SETD9: variants seen among roughly 807,000 people sequenced by gnomAD.
SETD9 encodes the protein SET domain-containing protein 9.
SETD9 carries 37 observed loss-of-function variants against 36.4 expected under a neutral mutation model. That is an observed-to-expected ratio of 1.02 (90% confidence interval 0.78 to 1.34). The LOEUF (loss-of-function observed/expected upper bound fraction) is 1.34, where lower values mean the gene tolerates loss of function less well. SETD9 is among the 40% of genes most tolerant of loss of function. The pLI is 0.00. For synonymous variants in SETD9, 128 were observed against 132.9 expected (o/e 0.96, Z 0.26); for missense variants, 323 against 353.2 (o/e 0.91, Z 0.69).
At position 56,916,885 on chromosome 5, in the gene SETD9, T is replaced by C. The variant is rs1039713920; in HGVS notation, c.883T>C (p.Tyr295His). The C allele has an allele frequency of 6.2e-7, 1 of 1,603,928 alleles. No individual in the cohort carries two copies. The highest frequency in any genetic ancestry group is 8.5e-7 in the Non-Finnish European group (1 of 1,176,538). ...NQGEELFSNY[Y>H]TIVS The stretch of plus-strand genomic sequence containing the variant: ...AGGAGAAGAGCTTTTTTCAAACTAC[T>C]ACACAATTGTCAGCTAACTCTGTGA... Residue 295 changes from tyrosine to histidine, a missense_variant, in exon 6 of 6, where the codon TAC becomes CAC. Transcript: ENST00000285947.
chr5:56,926,482 G>C (rs1291976925), downstream of SETD9, among the ~76,000 whole-genome samples: 1 of 151,568 alleles, frequency 6.6e-6, no homozygotes, highest in African/African-American at 2.4e-5. Context: ...ATAAGCATAA[G>C]AAAAGATGGT....
rs769334372 is a variant in SETD9 at position 56,916,948 on chromosome 5, C to T, written c.*46C>T. On this transcript the variant is annotated 3_prime_UTR_variant, in exon 6 of 6. Transcript: ENST00000285947. ...TAGGTTTTCTACTCAGCTATTAATT[C>T]TAAGTGTTTTTTGTTAATCACTTCT... 1 of 1,545,782 alleles carries T rather than the reference C, an allele frequency of 6.5e-7. No individual in the cohort carries two copies. The highest frequency in any genetic ancestry group is 8.7e-7 in the Non-Finnish European group (1 of 1,153,672).
At chr5:56,928,864 A>C, downstream of SETD9, 1 of 1,608,760 alleles carries the variant, frequency 6.2e-7, no homozygotes, top group Non-Finnish European at 8.5e-7. Context: ...CATTCCTTCT[A>C]AGAAAAATTT....
chr5:56,910,420 G>A (rs1749056827), intron 1 of SETD9: 1 of 1,302,532 alleles, frequency 7.7e-7, no homozygotes, highest in South Asian at 1.2e-5. Flanking sequence ...GTTATTAAGG[G>A]CGCACCAGTG....
At chr5:56,913,283 G>A in intron 3 of SETD9, 149 bp downstream of exon 3, 1 of 889,158 alleles carries the variant, frequency 1.1e-6, no homozygotes. Flanking sequence ...TGAACTCCTG[G>A]CCTCAAGCGA....
At chr5:56,912,182 G>C in intron 2 of SETD9, 1 of 984,952 alleles carries the variant, frequency 1.0e-6, no homozygotes, top group South Asian at 4.7e-5. Flanking sequence ...AAAGCGTACG[G>C]ATCAAAACAT....
rs200728399 is a variant in SETD9, at chr5:56,923,695, C to G, written c.813-1638C>G. ...GCAGAAAGGTCTTCATTTTACCTGT[C>G]AAGTCACTGGCAGTGAAGGAGTTGA... On this transcript the variant is annotated intron_variant, in intron 5 of 5. Transcript: ENST00000628593. 17 of 1,614,168 alleles carry G rather than the reference C, an allele frequency of 1.1e-5. No individual in the cohort carries two copies. In the East Asian group the frequency reaches 3.1e-4, roughly 30 times the overall value.
chr5:56,913,004 G>A lies in SETD9; in HGVS notation c.467-7G>A. 6.8e-6 allele frequency: 11 copies of A among 1,611,968 alleles called. No individual in the cohort carries two copies. The highest frequency in any genetic ancestry group is 7.6e-6 in the Non-Finnish European group (9 of 1,179,058). On this transcript the variant is annotated splice_polypyrimidine_tract_variant and splice_region_variant and intron_variant, in intron 2 of 5. Coordinates refer to ENST00000285947, the MANE Select transcript of SETD9 (RefSeq NM_153706.4). ...TTATCATATTTCTTTGTCTTGTTGT[G>A]TAATAGGTACAGTATATCAGAAGTA...
chr5:56,924,968 G>A (rs943984885), intron 5 of SETD9, among the ~76,000 whole-genome samples: 3 of 152,288 alleles, frequency 2.0e-5, no homozygotes, highest in African/African-American at 7.2e-5. Flanking sequence ...AGAGAATGCA[G>A]GCTTCGTGGG....
rs756923039 is a variant in SETD9, at chr5:56,913,956, G to C, written c.673G>C (p.Ala225Pro). The change falls in exon 4 of 6, where the codon GCT becomes CCT. Residue 225 changes from alanine to proline, a missense_variant. By Grantham distance (27) the Ala-to-Pro change is conservative (BLOSUM62 -1). Transcript: ENST00000285947. ...WLTSEIHNPLAVGQYVNNCSN... is the reference protein window; with the variant it reads ...WLTSEIHNPLPVGQYVNNCSN... ...AACGTCAGAAATTCATAACCCTCTG[G>C]CTGTGGGACAGTATGTCAACAATTG... is the stretch of plus-strand genomic sequence containing the variant. 12 of 1,613,688 alleles carry C rather than the reference G, an allele frequency of 7.4e-6. No homozygotes were observed. The Admixed American group carries it at 1.5e-4, about 20-fold the overall frequency.
In SETD9 at chr5:56,913,093, C is replaced by T; in HGVS notation, c.549C>T (p.Leu183=). The change falls in exon 3 of 6, where the codon CTC becomes CTT. Residue 183 remains leucine (L), a synonymous_variant. Coordinates refer to ENST00000285947, the MANE Select transcript of SETD9 (RefSeq NM_153706.4). The part of the protein sequence containing the change: ...PFIFRCLDGV[L]IDGNDKGISK... ...TTTTTAGATGCCTGGATGGGGTACT[C>T]ATTGATGGGAATGACAAAGGGATAT... The T allele has an allele frequency of 6.8e-6, 11 of 1,614,014 alleles. No homozygotes were observed. The highest frequency in any genetic ancestry group is 9.3e-6 in the Non-Finnish European group (11 of 1,179,974).
In SETD9 at chr5:56,911,390, A is replaced by G. The variant is rs766753625; in HGVS notation, c.320A>G (p.Gln107Arg). Reference sequence around the variant, plus strand: ...CTGCTTGAAAACAGACATCAACAGCAAAGTACCTTTAAACCAGAAGAAATT... The same window carrying G: ...CTGCTTGAAAACAGACATCAACAGCGAAGTACCTTTAAACCAGAAGAAATT... ...VKLLENRHQQ[Q>R]STFKPEEILY... The change falls in exon 2 of 6, where the codon CAA becomes CGA. Residue 107 changes from glutamine (Q) to arginine (R), a missense_variant. Transcript: ENST00000285947. 3.7e-6 allele frequency: 6 copies of G among 1,613,906 alleles called. No homozygotes were observed. The highest frequency in any genetic ancestry group is 4.2e-6 in the Non-Finnish European group (5 of 1,179,938).
At chr5:56,915,689 C>T (rs1456481920) in intron 5 of SETD9, among the ~76,000 whole-genome samples, 1 of 152,210 alleles carries the variant, frequency 6.6e-6, no homozygotes, top group Admixed American at 6.5e-5. Flanking sequence ...TGAGGCCAGA[C>T]ACGGTACCTC....
downstream of SETD9, chr5:56,928,854 C>A (rs1164169479): frequency 6.2e-6 from 10 of 1,609,740 alleles, no homozygotes; most frequent in South Asian, 1.1e-5. Flanking sequence ...TCCATGCAGT[C>A]ATTCCTTCTA....
At chr5:56,910,241 G>T in intron 1 of SETD9, 1 of 1,297,642 alleles carries the variant, frequency 7.7e-7, no homozygotes, top group Non-Finnish European at 1.0e-6. Context: ...CCTCAGAAAA[G>T]CCAAGCCAGG....
At chr5:56,917,962 C>G (rs543041751), downstream of SETD9, among the ~76,000 whole-genome samples, 1 of 152,318 alleles carries the variant, frequency 6.6e-6, no homozygotes, top group South Asian at 2.1e-4. Context: ...TCCTTACCAC[C>G]AGCTTTACTC....
chr5:56,919,466 A>ACTAT (rs998834974), downstream of SETD9: 4 of 152,132 alleles, frequency 2.6e-5, no homozygotes, highest in Non-Finnish European at 4.4e-5. Context: ...TACCAACTTC[A>ACTAT]CTATCTATCA....
At chr5:56,915,352 C>G (rs1561221751) in intron 5 of SETD9, among the ~76,000 whole-genome samples, 2 of 152,146 alleles carry the variant, frequency 1.3e-5, no homozygotes, top group South Asian at 4.1e-4. Context: ...CCAAATTACA[C>G]TATGATTCCT....
At chr5:56,910,598 C>G in intron 1 of SETD9, 1 of 320,144 alleles carries the variant, frequency 3.1e-6, no homozygotes. Context: ...CCTTTTTGTT[C>G]AAGTAAAAAT....
Sources: allele counts gnomAD v4.1 joint callset (sites outside exome capture counted in the v4.1 genomes callset), GRCh38; gene constraint gnomAD v4.1.1; transcripts MANE v1.5; gene names NCBI Gene and HGNC (gene_info 2026-07-23, HGNC 2026-07-21).